Variants in SLC16A10 observed in about 807,000 individuals in gnomAD.
SLC16A10 encodes the protein monocarboxylate transporter 10.
A neutral mutation model predicts 40.0 loss-of-function variants in SLC16A10; 27 were observed. The ratio of observed to expected loss-of-function variants is 0.67; its 90% CI spans 0.50 to 0.93. SLC16A10 has a LOEUF of 0.93. Ranked by LOEUF, SLC16A10 falls within the 40% of genes least tolerant of loss-of-function variation. The pLI, the probability that SLC16A10 is intolerant of heterozygous loss-of-function variation, is 0.00. For missense variants in SLC16A10, 529 were observed against 658.2 expected (o/e 0.80, Z 2.15); for synonymous variants, 213 against 249.8 (o/e 0.85, Z 1.39).
At chr6:111,201,069 A>C (rs1359044700) in intron 3 of SLC16A10, among the ~76,000 whole-genome samples, 2 of 152,206 alleles carry the variant, frequency 1.3e-5, no homozygotes, top group African/African-American at 4.8e-5. Context: ...AATGTAAAAC[A>C]TACAGGTCCC....
chr6:111,197,125 C>T (rs1773092332), intron 3 of SLC16A10, among the ~76,000 whole-genome samples: 1 of 152,096 alleles, frequency 6.6e-6, no homozygotes, highest in Admixed American at 6.5e-5. Flanking sequence ...TTTATGGGTG[C>T]AAATTTGAGC....
Position 111,222,192 on chromosome 6 carries a change from G to A in SLC16A10, c.1505G>A (p.Ser502Asn). Reference sequence around the variant, plus strand: ...GAAAACCAGAACTCTCTGCTGTCAAGTTCATCTGGAATGTTCAAGAAAGAA... The same window carrying A: ...GAAAACCAGAACTCTCTGCTGTCAAATTCATCTGGAATGTTCAAGAAAGAA... ...MLENQNSLLS[S>N]SSGMFKKESD... Residue 502 changes from serine to asparagine, a missense_variant, in exon 6 of 6, where the codon AGT (serine) becomes AAT (asparagine). Coordinates refer to ENST00000368851, the MANE Select transcript of SLC16A10 (RefSeq NM_018593.5). 6.2e-7 allele frequency: 1 copy of A among 1,606,638 alleles called. No homozygotes were observed. Among genetic ancestry groups the A allele is most frequent in the South Asian group, 1.1e-5 (1 of 89,562 alleles).
intron 4 of SLC16A10, among the ~76,000 whole-genome samples, chr6:111,209,625 A>C (rs1773314378): frequency 6.6e-6 from 1 of 152,148 alleles, no homozygotes; most frequent in African/African-American, 2.4e-5. Flanking sequence ...CCTGTGGGTT[A>C]GGAAGCCTGT....
intron 1 of SLC16A10, among the ~76,000 whole-genome samples, chr6:111,094,715 G>A (rs1185603245): frequency 1.3e-5 from 2 of 152,054 alleles, no homozygotes; most frequent in Admixed American, 6.6e-5. Context: ...ATAGCTCACT[G>A]CAGCCTCAAA....
intron 1 of SLC16A10, among the ~76,000 whole-genome samples, chr6:111,120,676 T>C (rs1771567321): frequency 6.6e-6 from 1 of 152,250 alleles, no homozygotes; most frequent in South Asian, 2.1e-4. Context: ...CAGATGACTT[T>C]CACTTATACC....
At chr6:111,220,636 C>A (rs1562437950) in intron 5 of SLC16A10, among the ~76,000 whole-genome samples, 1 of 152,162 alleles carries the variant, frequency 6.6e-6, no homozygotes, top group Non-Finnish European at 1.5e-5. Flanking sequence ...ATAGGAGAAC[C>A]CTCCATTCCT....
rs576623631 is a variant in SLC16A10 at position 111,223,329 on chromosome 6, A to G, written c.*1094A>G. 1 of 151,852 alleles carries G rather than the reference A, an allele frequency of 6.6e-6. No homozygotes were observed. Among genetic ancestry groups the G allele is most frequent in the African/African-American group, 2.4e-5 (1 of 41,162 alleles). 9.4% of individuals were successfully genotyped at this position (151,852 alleles called of 1,614,324 possible). ...AATTTGCACTCATATTATTTATCCT[A>G]TGAACATTCCCATTGTTTTTTTTTG... is the stretch of plus-strand genomic sequence containing the variant. On this transcript the variant is annotated 3_prime_UTR_variant, in exon 6 of 6. Transcript: ENST00000368851.
At chr6:111,211,152 G>A (rs1773341042) in intron 4 of SLC16A10, among the ~76,000 whole-genome samples, 1 of 152,170 alleles carries the variant, frequency 6.6e-6, no homozygotes, top group Admixed American at 6.5e-5. Context: ...CAAGAGGGGA[G>A]GAAGACCTGT....
intron 1 of SLC16A10, among the ~76,000 whole-genome samples, chr6:111,107,934 A>G (rs1292847909): frequency 6.6e-6 from 1 of 152,198 alleles, no homozygotes; most frequent in East Asian, 1.9e-4. Flanking sequence ...GTCCTTCTCC[A>G]CCAGGACAAT....
Position 111,114,913 on chromosome 6 carries a change from C to T in SLC16A10, c.343+26818C>T, listed in dbSNP as rs540523081. ...TTTTTGAGACAGTGTCTCATTCCATCGCCCAGGCTGGAGTGCAGTGGTGTG... is the reference window on the plus strand; with the variant it reads ...TTTTTGAGACAGTGTCTCATTCCATTGCCCAGGCTGGAGTGCAGTGGTGTG... On this transcript the variant is annotated intron_variant, in intron 1 of 5. Coordinates refer to ENST00000368851, the MANE Select transcript of SLC16A10 (RefSeq NM_018593.5). 2.2e-3 allele frequency among the ~76,000 whole-genome samples: 328 copies of T among 152,218 alleles called. 1 individual carries two copies. Among genetic ancestry groups the T allele is most frequent in the African/African-American group, 7.4e-3 (309 of 41,534 alleles).
intron 1 of SLC16A10, among the ~76,000 whole-genome samples, chr6:111,146,300 G>A (rs1309258167): frequency 6.6e-6 from 1 of 152,150 alleles, no homozygotes; most frequent in Non-Finnish European, 1.5e-5. Context: ...AACAAATGTT[G>A]GCAAGTATGT....
Position 111,219,660 on chromosome 6 carries a change from G to A in SLC16A10, c.1315+618G>A, listed in dbSNP as rs1770851691. The stretch of plus-strand genomic sequence containing the variant: ...CAAATGCCTGTAAATACCTAACTGG[G>A]TAAGCAAAATGTGGAATATCTACAG... On this transcript the variant is annotated intron_variant, in intron 5 of 5. Transcript: ENST00000368851. Among the ~76,000 whole-genome samples the A allele has an allele frequency of 3.3e-5, 5 of 152,248 alleles. No individual in the cohort carries two copies. The South Asian group carries it at 1.0e-3, about 32-fold the overall frequency.
intron 1 of SLC16A10, among the ~76,000 whole-genome samples, chr6:111,152,150 T>C (rs1450305100): frequency 6.6e-6 from 1 of 152,236 alleles, no homozygotes; most frequent in African/African-American, 2.4e-5. Context: ...TTCATACTTA[T>C]CCATTTAATT....
chr6:111,198,493 A>G (rs1217653895), intron 3 of SLC16A10, among the ~76,000 whole-genome samples: 1 of 152,210 alleles, frequency 6.6e-6, no homozygotes, highest in African/African-American at 2.4e-5. Context: ...ACAACCCTAC[A>G]TGGTGTAGTC....
intron 1 of SLC16A10, among the ~76,000 whole-genome samples, chr6:111,111,860 A>G (rs1405554541): frequency 1.3e-5 from 2 of 152,148 alleles, no homozygotes; most frequent in African/African-American, 4.8e-5. Context: ...ACCCATTACT[A>G]CTGTCCTACA....
intron 1 of SLC16A10, among the ~76,000 whole-genome samples, chr6:111,091,038 A>C (rs746850266): frequency 6.6e-6 from 1 of 152,210 alleles, no homozygotes; most frequent in Non-Finnish European, 1.5e-5. Context: ...TAAGCACTTT[A>C]GATGCGTTCC....
At chr6:111,153,151 C>T (rs1772203767) in intron 1 of SLC16A10, among the ~76,000 whole-genome samples, 1 of 152,160 alleles carries the variant, frequency 6.6e-6, no homozygotes, top group African/African-American at 2.4e-5. Flanking sequence ...TTTTAAATAG[C>T]TTTTTTGCGT....
chr6:111,106,676 A>G (rs1175453320), intron 1 of SLC16A10, among the ~76,000 whole-genome samples: 1 of 152,236 alleles, frequency 6.6e-6, no homozygotes, highest in Non-Finnish European at 1.5e-5. Context: ...CAAGTCAGTG[A>G]GTTAGAACTG....
At chr6:111,123,109 T>C (rs1455590921) in intron 1 of SLC16A10, among the ~76,000 whole-genome samples, 1 of 152,236 alleles carries the variant, frequency 6.6e-6, no homozygotes, top group Non-Finnish European at 1.5e-5. Context: ...TATGTTTTTA[T>C]CGTCAGGTGC....
Sources: allele counts gnomAD v4.1 joint callset (sites outside exome capture counted in the v4.1 genomes callset), GRCh38; gene constraint gnomAD v4.1.1; transcripts MANE v1.5; gene names NCBI Gene and HGNC (gene_info 2026-07-23, HGNC 2026-07-21).